Variants in VPS53 observed in about 807,000 individuals in gnomAD.
The protein encoded by VPS53 is VPS53 subunit of GARP complex.
Under a neutral mutation model 107.0 loss-of-function variants are expected in VPS53, and 70 were observed. The observed-to-expected ratio is 0.65, with a 90% CI of 0.54 to 0.80. VPS53 has a LOEUF of 0.80. Ranked by LOEUF, VPS53 falls within the 30% of genes least tolerant of loss-of-function variation. The probability of loss-of-function intolerance (pLI) is 0.00; values close to 1 mark genes in which losing one functional copy is unlikely to be tolerated. For synonymous variants in VPS53, 409 were observed against 393.3 expected (o/e 1.04, Z -0.47); for missense variants, 917 against 1,049.4 (o/e 0.87, Z 1.74).
rs549424125 is a variant in VPS53, at chr17:596,204, T to C, written c.1218+5591A>G. ...AGTTTTAGAAATATCTTTATTTATT[T>C]TGCCTATAGTTTCCTTTTTATGTAT... On this transcript the variant is annotated intron_variant, in intron 12 of 21. Coordinates refer to ENST00000437048, the MANE Select transcript of VPS53 (RefSeq NM_001128159.3). 2.6e-5 allele frequency among the ~76,000 whole-genome samples: 4 copies of C among 152,388 alleles called. No homozygotes were observed. In the South Asian group the frequency reaches 8.3e-4, roughly 32 times the overall value.
rs73975796 is a variant in VPS53, at chr17:659,165, T to C, written c.372+2644A>G. ...GATATAGAAGGCTGAAGATTGGCCCTGTAACCTGATCACCCACTTGCAACT... is the reference window on the plus strand; with the variant it reads ...GATATAGAAGGCTGAAGATTGGCCCCGTAACCTGATCACCCACTTGCAACT... On this transcript the variant is annotated intron_variant, in intron 5 of 21. Coordinates refer to ENST00000437048, the MANE Select transcript of VPS53 (RefSeq NM_001128159.3). Among the ~76,000 whole-genome samples, 400 of 152,310 alleles carry C rather than the reference T, an allele frequency of 2.6e-3. 3 individuals carry two copies. The highest frequency in any genetic ancestry group is 9.3e-3 in the African/African-American group (387 of 41,574).
chr17:710,496 A>G (rs1186793223), intron 2 of VPS53, 37 bp downstream of exon 2: 8 of 1,542,042 alleles, frequency 5.2e-6, no homozygotes, highest in Admixed American at 1.7e-5. Context: ...ATGTGCCAAA[A>G]GCTGCTGAAA....
intron 7 of VPS53, chr17:632,905 CT>C: frequency 5.1e-6 from 2 of 389,556 alleles, no homozygotes; most frequent in South Asian, 3.8e-5. Flanking sequence ...AGAATGTTTT[CT>C]AAGGTAAAAA....
At chr17:674,303 T>A (rs975274384) in intron 4 of VPS53, 1 of 152,258 alleles carries the variant, frequency 6.6e-6, no homozygotes, top group Non-Finnish European at 1.5e-5. Flanking sequence ...TTCGAGGTTA[T>A]TGACTTCATT....
rs377263969 is a variant in VPS53 at position 714,607 on chromosome 17, G to T, written c.87+16C>A. 69 of 1,603,952 alleles carry T rather than the reference G, an allele frequency of 4.3e-5. No homozygotes were observed. Among genetic ancestry groups the T allele is most frequent in the Non-Finnish European group, 5.6e-5 (66 of 1,174,978 alleles). Reference sequence around the variant, plus strand: ...CCCGCACTCCCGTTTCCCCTCCTGAGGGGCGGAACGCTTACCTGCTCGATG... The same window carrying T: ...CCCGCACTCCCGTTTCCCCTCCTGATGGGCGGAACGCTTACCTGCTCGATG... On this transcript the variant is annotated intron_variant, in intron 1 of 21. Transcript: ENST00000437048.
rs1163942818 is a variant in VPS53 at position 519,136 on chromosome 17, T to G, written c.2491A>C (p.Arg831=). 2 of 1,519,084 alleles carry G rather than the reference T, an allele frequency of 1.3e-6. No individual in the cohort carries two copies. Among genetic ancestry groups the G allele is most frequent in the Non-Finnish European group, 1.8e-6 (2 of 1,132,010 alleles). The allele number at this position is 1,519,084 out of a possible 1,614,324, so 94.1% of individuals were successfully genotyped here. A position where few individuals can be genotyped will look rare whatever the true frequency, so the allele number is the denominator to read the frequency against. Residue 831 remains arginine, a synonymous_variant, in exon 22 of 22, where the codon AGA becomes CGA. Coordinates refer to ENST00000437048, the MANE Select transcript of VPS53 (RefSeq NM_001128159.3). The surrounding 1 kb of genome is among the most constrained non-coding windows in gnomAD (Gnocchi z 5.0). ...AGGGCCCCTTGCTGCTGCTACAGTC[T>G]CTTTTTAATGAGTTTCTCGAGCTTG... is the stretch of plus-strand genomic sequence containing the variant. The part of the protein sequence containing the change: ...IRKLEKLIKK[R]L
rs1471868617 is a variant in VPS53, at chr17:511,694, A to G, written c.*7434T>C. 6.6e-6 allele frequency: 1 copy of G among 152,162 alleles called. No individual in the cohort carries two copies. The highest frequency in any genetic ancestry group is 1.5e-5 in the Non-Finnish European group (1 of 68,026). The allele number at this position is 152,162 out of a possible 1,614,324, so 9.4% of individuals were successfully genotyped here. On this transcript the variant is annotated 3_prime_UTR_variant, in exon 22 of 22. Coordinates refer to ENST00000437048, the MANE Select transcript of VPS53 (RefSeq NM_001128159.3). ...CTGTGAGCTCAGGCTTCCCAGTTAG[A>G]ACTGCCTGTCCCAAGTTAATCTTGC...
At chr17:569,938 A>G (rs1913882967) in intron 13 of VPS53, among the ~76,000 whole-genome samples, 1 of 151,926 alleles carries the variant, frequency 6.6e-6, no homozygotes, top group African/African-American at 2.4e-5. Context: ...CATCATTGTC[A>G]ATCATCTTAG....
intron 11 of VPS53, among the ~76,000 whole-genome samples, chr17:607,593 A>G (rs935685348): frequency 6.6e-6 from 1 of 152,224 alleles, no homozygotes; most frequent in African/African-American, 2.4e-5. Context: ...CAGGCCACAG[A>G]GAATTACAAC....
chr17:681,681 T>A (rs1201100025), intron 4 of VPS53, among the ~76,000 whole-genome samples: 1 of 152,124 alleles, frequency 6.6e-6, no homozygotes, highest in East Asian at 1.9e-4. Context: ...TATAACCAAA[T>A]ACTTTAAACT....
At chr17:610,372 A>G (rs1415212302) in intron 11 of VPS53, among the ~76,000 whole-genome samples, 2 of 152,152 alleles carry the variant, frequency 1.3e-5, no homozygotes, top group African/African-American at 4.8e-5. Flanking sequence ...TAATATGGAA[A>G]TTAACTCAAA....
chr17:533,028 T>C (rs1191024984), intron 18 of VPS53, 117 bp from the exon 19 acceptor site: 1 of 1,457,498 alleles, frequency 6.9e-7, no homozygotes, highest in African/African-American at 1.4e-5. Flanking sequence ...AGAATCGAAG[T>C]GGACTCCACT....
intron 13 of VPS53, among the ~76,000 whole-genome samples, chr17:566,641 C>T (rs1403340291): frequency 1.3e-5 from 2 of 152,084 alleles, no homozygotes; most frequent in Admixed American, 1.3e-4. Context: ...CAAAAGATTC[C>T]CCTGGGGTCT....
chr17:637,905 T>A (rs1391408748), intron 7 of VPS53, among the ~76,000 whole-genome samples: 1 of 152,184 alleles, frequency 6.6e-6, no homozygotes, highest in Non-Finnish European at 1.5e-5. Context: ...TGATTTGGGG[T>A]GGAGAGTTCT....
chr17:712,628 T>C lies in VPS53; in HGVS notation c.87+1995A>G, dbSNP rs188023502. Among the ~76,000 whole-genome samples, 153 of 152,238 alleles carry C rather than the reference T, an allele frequency of 1.0e-3. 1 individual carries two copies. The highest frequency in any genetic ancestry group is 3.4e-3 in the African/African-American group (140 of 41,534). On this transcript the variant is annotated intron_variant, in intron 1 of 21. Coordinates refer to ENST00000437048, the MANE Select transcript of VPS53 (RefSeq NM_001128159.3). ...TTCAGAGTGCTAAAGTAAGAAAAAATTCTGAATTCATCTTGACATAATGAT... is the reference window on the plus strand; with the variant it reads ...TTCAGAGTGCTAAAGTAAGAAAAAACTCTGAATTCATCTTGACATAATGAT...
In VPS53 at chr17:653,314, C is replaced by T. The variant is rs1052126429; in HGVS notation, c.585G>A (p.Pro195=). Residue 195 remains proline (P), a synonymous_variant, in exon 7 of 22, where the codon CCG becomes CCA. Coordinates refer to ENST00000437048, the MANE Select transcript of VPS53 (RefSeq NM_001128159.3). ...LEHFHKYMGI[P]QIRQLSERVK... is the part of the protein sequence containing the mutation. ...ACCTTTCGGAAAGCTGCCGGATCTGCGGAATCCCCATATACTTGTGGAAGT... is the reference window on the plus strand; with the variant it reads ...ACCTTTCGGAAAGCTGCCGGATCTGTGGAATCCCCATATACTTGTGGAAGT... The T allele has an allele frequency of 1.2e-6, 2 of 1,614,096 alleles. No individual in the cohort carries two copies. The highest frequency in any genetic ancestry group is 1.7e-6 in the Non-Finnish European group (2 of 1,180,012).
intron 17 of VPS53, chr17:538,830 T>C (rs1910335953): frequency 6.6e-6 from 1 of 152,228 alleles, no homozygotes; most frequent in Admixed American, 6.5e-5. Flanking sequence ...AAAGGTCTAA[T>C]ATGAAGTGAC....
intron 13 of VPS53, among the ~76,000 whole-genome samples, chr17:580,407 G>A (rs1966943640): frequency 6.7e-6 from 1 of 148,774 alleles, no homozygotes; most frequent in Admixed American, 6.7e-5. Context: ...TCTGTTCCCA[G>A]AGATCCTCCC....
intron 1 of VPS53, among the ~76,000 whole-genome samples, chr17:710,848 G>C (rs1459847777): frequency 6.6e-6 from 1 of 151,982 alleles, no homozygotes; most frequent in Non-Finnish European, 1.5e-5. Flanking sequence ...AGGAGGCTGA[G>C]GCAGGAGAAT....
Sources: allele counts gnomAD v4.1 joint callset (sites outside exome capture counted in the v4.1 genomes callset), GRCh38; gene constraint gnomAD v4.1.1; non-coding constraint Gnocchi (gnomAD v3.1); transcripts MANE v1.5; gene names NCBI Gene and HGNC (gene_info 2026-07-23, HGNC 2026-07-21).